PTPRD: variants seen among roughly 807,000 people sequenced by gnomAD.
PTPRD encodes the protein protein tyrosine phosphatase receptor type D, also known as receptor-type tyrosine-protein phosphatase delta.
Under a neutral mutation model 214.5 loss-of-function variants are expected in PTPRD, and 34 were observed. The ratio of observed to expected loss-of-function variants is 0.16; its 90% CI spans 0.12 to 0.21. The LOEUF is 0.21. Among genes scored for constraint, PTPRD ranks in the 10% least tolerant of loss-of-function variants. PTPRD has a pLI of 1.00. For synonymous variants in PTPRD, 1,128 were observed against 845.7 expected, an observed-to-expected ratio of 1.33 and a Z score of -5.79; for missense variants, 2,545 against 2,398.7, an observed-to-expected ratio of 1.06 and a Z score of -1.27.
At position 9,503,675 on chromosome 9, in the gene PTPRD, A is replaced by C. The variant is rs745545051; in HGVS notation, c.-237+71057T>G. Among the ~76,000 whole-genome samples, 51 of 151,800 alleles carry C rather than the reference A, an allele frequency of 3.4e-4. 1 individual carries two copies. Among genetic ancestry groups the C allele is most frequent in the Admixed American group, 3.0e-3 (46 of 15,178 alleles). ...CTATGGTAGAAGTGTGTAAGTTCTC[A>C]GAATCAAAGTAGAGTCACTTGTGTC... On this transcript the variant is annotated intron_variant, in intron 8 of 45. Coordinates refer to ENST00000381196, the MANE Select transcript of PTPRD (RefSeq NM_002839.4).
intron 7 of PTPRD, among the ~76,000 whole-genome samples, chr9:9,678,651 G>T (rs886982920): frequency 6.6e-6 from 1 of 151,542 alleles, no homozygotes; most frequent in Admixed American, 6.6e-5. Context: ...GTTCTGTCTC[G>T]CCATGCTCCA....
chr9:10,604,404 G>C (rs866067238), intron 2 of PTPRD, among the ~76,000 whole-genome samples: 17 of 151,608 alleles, frequency 1.1e-4, no homozygotes, highest in Non-Finnish European at 7.4e-5. Flanking sequence ...TTAAATCCTG[G>C]CATGTTTTCC....
chr9:8,540,713 C>T (rs1415989989), intron 14 of PTPRD, among the ~76,000 whole-genome samples: 1 of 152,104 alleles, frequency 6.6e-6, no homozygotes, highest in African/African-American at 2.4e-5. Flanking sequence ...ACCTTCCCCT[C>T]AGCTCATCAC....
chr9:10,432,802 T>G (rs980297850), intron 2 of PTPRD, among the ~76,000 whole-genome samples: 1 of 152,128 alleles, frequency 6.6e-6, no homozygotes, highest in Non-Finnish European at 1.5e-5. Context: ...ATCTCCTTTC[T>G]ATATGAATGC....
chr9:10,002,957 A>G (rs1051761319), intron 4 of PTPRD, among the ~76,000 whole-genome samples: 2 of 151,804 alleles, frequency 1.3e-5, no homozygotes, highest in African/African-American at 4.8e-5. Flanking sequence ...CATATTTAAA[A>G]TAATTAAAAA....
At chr9:10,542,463 T>C (rs1590438096) in intron 2 of PTPRD, among the ~76,000 whole-genome samples, 1 of 152,222 alleles carries the variant, frequency 6.6e-6, no homozygotes, top group Admixed American at 6.5e-5. Context: ...ATACCTTACA[T>C]AGTTATAAAT....
chr9:10,273,115 C>T (rs1020841887), intron 3 of PTPRD, among the ~76,000 whole-genome samples: 1 of 152,166 alleles, frequency 6.6e-6, no homozygotes, highest in African/African-American at 2.4e-5. Context: ...AAGAACTTAC[C>T]TTTTGCAGAT....
At chr9:9,555,816 A>T (rs1461041514) in intron 8 of PTPRD, among the ~76,000 whole-genome samples, 3 of 152,178 alleles carry the variant, frequency 2.0e-5, no homozygotes, top group African/African-American at 7.2e-5. Context: ...AAGAGATTAA[A>T]TTTTTTAATG....
chr9:10,375,089 A>G (rs914820137), intron 2 of PTPRD, among the ~76,000 whole-genome samples: 4 of 152,050 alleles, frequency 2.6e-5, no homozygotes, highest in African/African-American at 9.7e-5. Flanking sequence ...AATTGGCTGG[A>G]TCAATAAGCA....
At chr9:8,331,015 T>TAACTTC (rs760896177) in intron 44 of PTPRD, among the ~76,000 whole-genome samples, 9 of 152,164 alleles carry the variant, frequency 5.9e-5, no homozygotes, top group Admixed American at 2.6e-4. Context: ...TTATTTCTAT[T>TAACTTC]AACTTCAATG....
intron 5 of PTPRD, among the ~76,000 whole-genome samples, chr9:9,839,458 T>A (rs2057732448): frequency 6.6e-6 from 1 of 152,000 alleles, no homozygotes; most frequent in Admixed American, 6.6e-5. Context: ...CACAATTGCT[T>A]CAAAGAGAAT....
At chr9:9,210,641 G>C (rs562875430) in intron 9 of PTPRD, among the ~76,000 whole-genome samples, 38 of 152,088 alleles carry the variant, frequency 2.5e-4, no homozygotes, top group African/African-American at 9.2e-4. Context: ...AATGGACTTG[G>C]ATTATTACTT....
intron 3 of PTPRD, among the ~76,000 whole-genome samples, chr9:10,080,403 T>C (rs574120553): frequency 1.3e-5 from 2 of 152,210 alleles, no homozygotes; most frequent in East Asian, 3.9e-4. Context: ...GGCATTGGTA[T>C]TCAAACCACT....
chr9:9,243,605 ACT>A (rs1472286597), intron 9 of PTPRD, among the ~76,000 whole-genome samples: 2 of 152,076 alleles, frequency 1.3e-5, no homozygotes, highest in Admixed American at 1.3e-4. Context: ...CATGCTAAAA[ACT>A]CTCAATAAAC....
At chr9:9,682,183 C>G (rs954700970) in intron 7 of PTPRD, among the ~76,000 whole-genome samples, 1 of 151,660 alleles carries the variant, frequency 6.6e-6, no homozygotes, top group Non-Finnish European at 1.5e-5. Context: ...AGCATATCCC[C>G]CTCCTCGAAG....
rs901438019 is a variant in PTPRD at position 10,428,471 on chromosome 9, T to G, written c.-599-87454A>C. Among the ~76,000 whole-genome samples the G allele has an allele frequency of 4.6e-5, 7 of 152,170 alleles. No homozygotes were observed. In the East Asian group the frequency reaches 1.4e-3, roughly 30 times the overall value. On this transcript the variant is annotated intron_variant, in intron 2 of 45. Coordinates refer to ENST00000381196, the MANE Select transcript of PTPRD (RefSeq NM_002839.4). Reference sequence around the variant, plus strand: ...TAAAAGTGCCACATGTTGCAAACAGTTATTTTTACCTTTTTGTCTCAATGC... The same window carrying G: ...TAAAAGTGCCACATGTTGCAAACAGGTATTTTTACCTTTTTGTCTCAATGC...
At chr9:9,244,384 C>T (rs955507693) in intron 9 of PTPRD, among the ~76,000 whole-genome samples, 1 of 152,124 alleles carries the variant, frequency 6.6e-6, no homozygotes, top group Non-Finnish European at 1.5e-5. Context: ...TGACTTCAAA[C>T]TATGCTACAA....
intron 3 of PTPRD, among the ~76,000 whole-genome samples, chr9:10,140,974 T>C (rs1268655818): frequency 1.3e-5 from 2 of 152,016 alleles, no homozygotes; most frequent in Admixed American, 6.6e-5. Flanking sequence ...TAATCCAGCA[T>C]ATAAACAGAA....
chr9:10,437,859 T>C (rs1006129702), intron 2 of PTPRD, among the ~76,000 whole-genome samples: 4 of 150,848 alleles, frequency 2.7e-5, no homozygotes, highest in East Asian at 3.9e-4. Context: ...TTATGGCCCA[T>C]ATAGTGTCAG....
Sources: gnomAD v4.1 joint callset for allele counts (sites outside exome capture counted in the v4.1 genomes callset) on GRCh38, gnomAD v4.1.1 for gene constraint, MANE v1.5 for transcripts, NCBI Gene and HGNC (gene_info 2026-07-23, HGNC 2026-07-21) for gene names.